Variants in C1orf162 observed in about 807,000 individuals in gnomAD.
C1orf162 encodes the protein chromosome 1 open reading frame 162.
Under a neutral mutation model 11.4 loss-of-function variants are expected in C1orf162, and 10 were observed. The observed-to-expected ratio is 0.88, with a 90% CI of 0.54 to 1.48. C1orf162 has a LOEUF of 1.48. C1orf162 is among the 40% of genes most tolerant of loss of function. The pLI, the probability that C1orf162 is intolerant of heterozygous loss-of-function variation, is 0.00. For synonymous variants in C1orf162, 53 were observed against 55.0 expected, an observed-to-expected ratio of 0.96 and a Z score of 0.16; for missense variants, 140 against 149.5, an observed-to-expected ratio of 0.94 and a Z score of 0.33.
intron 2 of C1orf162, among the ~76,000 whole-genome samples, 187 bp from the exon 3 acceptor site, chr1:111,476,611 G>A (rs1277380334): frequency 6.6e-6 from 1 of 151,988 alleles, no homozygotes; most frequent in Non-Finnish European, 1.5e-5. Context: ...TGATTTTTAA[G>A]TTCTATTTTT....
In C1orf162 at chr1:111,478,226, A is replaced by C. The variant is rs1571390261; in HGVS notation, c.*103A>C. 1 of 1,381,458 alleles carries C rather than the reference A, an allele frequency of 7.2e-7. No individual in the cohort carries two copies. Among genetic ancestry groups the C allele is most frequent in the East Asian group, 2.3e-5 (1 of 43,610 alleles). The allele number at this position is 1,381,458 out of a possible 1,614,324, so 85.6% of individuals were successfully genotyped here. On this transcript the variant is annotated 3_prime_UTR_variant, in exon 6 of 6. Transcript: ENST00000369718. ...CAAATTTTGGACCACCACCTGTGTG[A>C]AACTGCAGTCGGAGTTGTTTAGATG...
intron 1 of C1orf162, chr1:111,475,802 T>A: frequency 6.1e-6 from 3 of 495,212 alleles, no homozygotes; most frequent in Non-Finnish European, 1.1e-5. Context: ...ATCAAATTTC[T>A]GGACCTGCAA....
At chr1:111,475,475 A>T (rs1246396704) in intron 1 of C1orf162, 1 of 158,496 alleles carries the variant, frequency 6.3e-6, no homozygotes, top group Non-Finnish European at 1.4e-5. Flanking sequence ...TGAGGTCTAG[A>T]GTAAGGGTCT....
rs767302960 is a variant in C1orf162 at position 111,477,606 on chromosome 1, C to A, written c.203-120C>A. The stretch of plus-strand genomic sequence containing the variant: ...TTCATTTTTCTTCCGCCCTGCCCCC[C>A]ACCCACCTGCCAACACCTCCTCCCC... On this transcript the variant is annotated intron_variant, in intron 4 of 5. Coordinates refer to ENST00000369718, the MANE Select transcript of C1orf162 (RefSeq NM_001300834.2). 4.1e-6 allele frequency: 6 copies of A among 1,449,910 alleles called. No homozygotes were observed. The East Asian group carries it at 1.4e-4, about 33-fold the overall frequency. The allele number at this position is 1,449,910 out of a possible 1,614,324, so 89.8% of individuals were successfully genotyped here.
intron 3 of C1orf162, 92 bp from the exon 4 acceptor site, chr1:111,477,242 G>A: frequency 9.1e-7 from 1 of 1,096,352 alleles, no homozygotes; most frequent in Non-Finnish European, 1.4e-6. Context: ...AACCATTTCA[G>A]GAGTCCATCC....
intron 1 of C1orf162, 44 bp downstream of exon 1, chr1:111,474,074 A>G (rs1653918287): frequency 6.6e-6 from 1 of 152,158 alleles, no homozygotes; most frequent in Non-Finnish European, 1.5e-5. Flanking sequence ...TTAAATAATC[A>G]CTCACCAAAA....
At position 111,476,804 on chromosome 1, in the gene C1orf162, A is replaced by G. The variant is rs1319143261; in HGVS notation, c.44A>G (p.Gln15Arg). 6.2e-7 allele frequency: 1 copy of G among 1,613,828 alleles called. No homozygotes were observed. The highest frequency in any genetic ancestry group is 1.3e-5 in the African/African-American group (1 of 74,880). ...GSTCKPDTER[Q>R]GTLSTAAPTT... ...CTTTTGTGTTTTCTTGTAGAAAGAC[A>G]AGGCACTCTCTCCACAGCAGCCCCA... Residue 15 changes from glutamine (Q) to arginine (R), a missense_variant, in exon 3 of 6, where the codon CAA becomes CGA. Gln to Arg is a conservative substitution (Grantham distance 43, BLOSUM62 1). Coordinates refer to ENST00000369718, the MANE Select transcript of C1orf162 (RefSeq NM_001300834.2).
intron 3 of C1orf162, 178 bp downstream of exon 3, chr1:111,477,045 C>T: frequency 1.4e-6 from 1 of 703,738 alleles, no homozygotes; most frequent in South Asian, 1.8e-5. Flanking sequence ...ATCCCCTAAG[C>T]TTCAAGAGAT....
Position 111,477,391 on chromosome 1 carries a change from A to T in C1orf162, c.165A>T (p.Ile55=), listed in dbSNP as rs556216779. 260 of 1,614,064 alleles carry T rather than the reference A, an allele frequency of 1.6e-4. 3 individuals carry two copies. In the South Asian group the frequency reaches 2.2e-3, roughly 14 times the overall value. ...GGGTTCTACTGACACTGCTGCTGATAGCCTTTATCTTCCTCATCATAAAGA... is the reference window on the plus strand; with the variant it reads ...GGGTTCTACTGACACTGCTGCTGATTGCCTTTATCTTCCTCATCATAAAGA... ...CAGVLLTLLL[I]AFIFLIIKSY... The change falls in exon 4 of 6, where the codon ATA becomes ATT. Residue 55 remains isoleucine (I), a synonymous_variant. Transcript: ENST00000369718.
Position 111,476,885 on chromosome 1 carries a change from T to G in C1orf162, c.107+18T>G, listed in dbSNP as rs750598713. On this transcript the variant is annotated intron_variant, in intron 3 of 5. Coordinates refer to ENST00000369718, the MANE Select transcript of C1orf162 (RefSeq NM_001300834.2). ...CACCACAAGTAAATGAGCATTCTCC[T>G]ATCTGTTTCATCTTGTACCACGTGG... The G allele has an allele frequency of 5.6e-6, 9 of 1,610,394 alleles. No homozygotes were observed. Among genetic ancestry groups the G allele is most frequent in the Non-Finnish European group, 7.6e-6 (9 of 1,176,576 alleles).
At chr1:111,476,668 G>C (rs928457255) in intron 2 of C1orf162, 130 bp from the exon 3 acceptor site, 2 of 805,448 alleles carry the variant, frequency 2.5e-6, no homozygotes, top group Non-Finnish European at 4.3e-6. Flanking sequence ...TCTCATTTTT[G>C]TAAGAGTTGC....
In C1orf162 at chr1:111,476,020, G is replaced by T; in HGVS notation, c.-9G>T. 1 of 1,613,110 alleles carries T rather than the reference G, an allele frequency of 6.2e-7. No homozygotes were observed. The highest frequency in any genetic ancestry group is 8.5e-7 in the Non-Finnish European group (1 of 1,179,098). On this transcript the variant is annotated splice_region_variant and 5_prime_UTR_variant, in exon 2 of 6. Coordinates refer to ENST00000369718, the MANE Select transcript of C1orf162 (RefSeq NM_001300834.2). Reference sequence around the variant, plus strand: ...GAGATACCTTGTTTTATTCTCAGGGGATGACAGCATGGGAGGCAATGGCTC... The same window carrying T: ...GAGATACCTTGTTTTATTCTCAGGGTATGACAGCATGGGAGGCAATGGCTC...
rs758166077 is a variant in C1orf162, at chr1:111,478,093, T to G, written c.363T>G (p.Ile121Met). The change falls in exon 6 of 6, where the codon ATT (isoleucine) becomes ATG (methionine). Residue 121 changes from isoleucine (I) to methionine (M), a missense_variant. Coordinates refer to ENST00000369718, the MANE Select transcript of C1orf162 (RefSeq NM_001300834.2). ...AENHSADFDP[I>M]VYAQIKVTN ...ACCATTCTGCAGACTTTGACCCCAT[T>G]GTCTATGCTCAAATTAAAGTAACAA... 3.7e-6 allele frequency: 6 copies of G among 1,614,212 alleles called. No homozygotes were observed. The highest frequency in any genetic ancestry group is 5.1e-6 in the Non-Finnish European group (6 of 1,180,008).
chr1:111,478,274 A>G lies in C1orf162; in HGVS notation c.*151A>G, dbSNP rs1654066830. On this transcript the variant is annotated 3_prime_UTR_variant, in exon 6 of 6. Transcript: ENST00000369718. ...ATGTGATCTGGCAATGCTATCCAGC[A>G]TCTTTGGAGACCAATGGTCAGTCTT... The G allele has an allele frequency of 1.0e-5, 9 of 866,270 alleles. No individual in the cohort carries two copies. The Admixed American group carries it at 1.8e-4, about 18-fold the overall frequency. 53.7% of individuals were successfully genotyped at this position (866,270 alleles called of 1,614,324 possible).
intron 1 of C1orf162, 57 bp from the exon 2 acceptor site, chr1:111,475,961 C>A: frequency 1.4e-6 from 2 of 1,410,500 alleles, no homozygotes; most frequent in Non-Finnish European, 2.0e-6. Context: ...TCAGAGCTGG[C>A]CCTTAAGCCG....
At chr1:111,476,335 GA>G (rs928499686) in intron 2 of C1orf162, among the ~76,000 whole-genome samples, 3 of 152,128 alleles carry the variant, frequency 2.0e-5, no homozygotes, top group Non-Finnish European at 4.4e-5. Context: ...TAGGCATTGG[GA>G]AAACCACTGT....
chr1:111,476,140 A>G, intron 2 of C1orf162, 75 bp downstream of exon 2: 1 of 1,398,036 alleles, frequency 7.2e-7, no homozygotes, highest in Non-Finnish European at 1.0e-6. Flanking sequence ...GAAGGGCTGT[A>G]ATGGAAAGGC....
At chr1:111,476,277 C>T (rs983710450) in intron 2 of C1orf162, among the ~76,000 whole-genome samples, 2 of 152,086 alleles carry the variant, frequency 1.3e-5, no homozygotes, top group African/African-American at 4.8e-5. Flanking sequence ...TAAAGGGTGT[C>T]TCTGCTCAAT....
Position 111,478,098 on chromosome 1 carries a change from A to G in C1orf162, c.368A>G (p.Tyr123Cys), listed in dbSNP as rs777599638. Residue 123 changes from tyrosine (Y) to cysteine (C), a missense_variant, in exon 6 of 6, where the codon TAT (tyrosine) becomes TGT (cysteine). Coordinates refer to ENST00000369718, the MANE Select transcript of C1orf162 (RefSeq NM_001300834.2). ...NHSADFDPIV[Y>C]AQIKVTN ...TCTGCAGACTTTGACCCCATTGTCT[A>G]TGCTCAAATTAAAGTAACAAACTAA... The G allele has an allele frequency of 3.1e-6, 5 of 1,614,108 alleles. No homozygotes were observed. The highest frequency in any genetic ancestry group is 1.3e-5 in the African/African-American group (1 of 74,950).
Sources: gnomAD v4.1 joint callset for allele counts (sites outside exome capture counted in the v4.1 genomes callset) on GRCh38, gnomAD v4.1.1 for gene constraint, MANE v1.5 for transcripts, NCBI Gene and HGNC (gene_info 2026-07-23, HGNC 2026-07-21) for gene names.